CTNNA3: variants seen among roughly 807,000 people sequenced by gnomAD.
The protein encoded by CTNNA3 is catenin alpha 3.
CTNNA3 carries 76 observed loss-of-function variants against 95.7 expected under a neutral mutation model. The ratio of observed to expected loss-of-function variants is 0.79; its 90% confidence interval spans 0.66 to 0.96. The LOEUF is 0.96. Among genes scored for constraint, CTNNA3 ranks in the 40% least tolerant of loss-of-function variants. CTNNA3 has a pLI of 0.00. For missense variants in CTNNA3, 1,191 were observed against 1,089.8 expected (o/e 1.09, Z -1.31); for synonymous variants, 431 against 374.4 (o/e 1.15, Z -1.74).
Position 66,367,909 on chromosome 10 carries a change from T to A in CTNNA3, c.1732+11243A>T, listed in dbSNP as rs1205879798. ...ATTATTATTATTATTATTATTATTA[T>A]TATTATTATTATTATTATTTTCTGG... On this transcript the variant is annotated intron_variant, in intron 12 of 17. Coordinates refer to ENST00000433211, the MANE Select transcript of CTNNA3 (RefSeq NM_013266.4). Among the ~76,000 whole-genome samples, 340 of 118,030 alleles carry A rather than the reference T, an allele frequency of 2.9e-3. 4 individuals carry two copies. The highest frequency in any genetic ancestry group is 0.01 in the African/African-American group (322 of 31,950). 77.4% of individuals were successfully genotyped at this position (118,030 alleles called of 152,430 possible). A position where few individuals can be genotyped will look rare whatever the true frequency, so the allele number is the denominator to read the frequency against.
At chr10:67,653,240 A>T (rs551149051) in intron 1 of CTNNA3, among the ~76,000 whole-genome samples, 1 of 152,286 alleles carries the variant, frequency 6.6e-6, no homozygotes, top group East Asian at 1.9e-4. Flanking sequence ...GAACTCACTC[A>T]CTATCATGAG....
intron 15 of CTNNA3, among the ~76,000 whole-genome samples, chr10:66,069,000 G>A (rs970209923): frequency 1.3e-5 from 2 of 152,110 alleles, no homozygotes; most frequent in African/African-American, 4.8e-5. Context: ...GAATCACTTG[G>A]TTTACCAAAT....
At chr10:66,335,515 G>A (rs1048027596) in intron 12 of CTNNA3, among the ~76,000 whole-genome samples, 1 of 152,018 alleles carries the variant, frequency 6.6e-6, no homozygotes, top group Non-Finnish European at 1.5e-5. Flanking sequence ...TCTTTGCCTG[G>A]GTATCAGCAG....
chr10:66,431,063 A>T (rs1027844537), intron 11 of CTNNA3, among the ~76,000 whole-genome samples: 8 of 151,972 alleles, frequency 5.3e-5, no homozygotes, highest in Non-Finnish European at 1.0e-4. Context: ...GAAAAAAAAA[A>T]ACCCATCAAA....
intron 11 of CTNNA3, among the ~76,000 whole-genome samples, chr10:66,489,817 C>G (rs1839862410): frequency 1.3e-5 from 2 of 152,166 alleles, no homozygotes; most frequent in East Asian, 3.9e-4. Context: ...GATGCTGGGG[C>G]AAGGGATTAT....
intron 1 of CTNNA3, among the ~76,000 whole-genome samples, chr10:67,709,962 C>T (rs1841097755): frequency 6.6e-6 from 1 of 152,046 alleles, no homozygotes; most frequent in East Asian, 1.9e-4. Flanking sequence ...TTAACAGGCC[C>T]CAGCAAATTA....
In CTNNA3 at chr10:65,971,379, G is replaced by GTTT. The variant is rs57963750; in HGVS notation, c.2266-4636_2266-4634dup. Among the ~76,000 whole-genome samples, 619 of 140,074 alleles carry GTTT rather than the reference G, an allele frequency of 4.4e-3. 6 individuals are homozygous for GTTT. Among genetic ancestry groups the GTTT allele is most frequent in the Middle Eastern group, 0.011 (3 of 270 alleles). 91.9% of individuals were successfully genotyped at this position (140,074 alleles called of 152,430 possible). A position where few individuals can be genotyped will look rare whatever the true frequency, so the allele number is the denominator to read the frequency against. On this transcript the variant is annotated intron_variant, in intron 16 of 17. Coordinates refer to ENST00000433211, the MANE Select transcript of CTNNA3 (RefSeq NM_013266.4). ...AAGAATCAATGAAGACCAAAGTTGT[G>GTTT]TTTTTTTTTTTTTTGAAAAAATAAA...
At chr10:66,211,607 A>C (rs2088159922) in intron 13 of CTNNA3, among the ~76,000 whole-genome samples, 1 of 152,180 alleles carries the variant, frequency 6.6e-6, no homozygotes, top group Non-Finnish European at 1.5e-5. Context: ...CAACCCCTTC[A>C]CCTAGATATT....
chr10:67,691,544 G>A (rs1447803916), intron 1 of CTNNA3, among the ~76,000 whole-genome samples: 19 of 148,836 alleles, frequency 1.3e-4, no homozygotes, highest in East Asian at 4.1e-4. Context: ...CTGCCCTGCC[G>A]CCCCGTCCGG....
chr10:66,130,846 C>T (rs2083058288), intron 13 of CTNNA3, among the ~76,000 whole-genome samples: 1 of 146,774 alleles, frequency 6.8e-6, no homozygotes, highest in Non-Finnish European at 1.5e-5. Flanking sequence ...CACAGCAAGA[C>T]TCCGTCTCAA....
At chr10:66,139,957 G>A (rs903340756) in intron 13 of CTNNA3, among the ~76,000 whole-genome samples, 2 of 152,288 alleles carry the variant, frequency 1.3e-5, no homozygotes, top group Middle Eastern at 3.4e-3. Flanking sequence ...TGGCAATGGG[G>A]GCTTTTGTGG....
intron 5 of CTNNA3, among the ~76,000 whole-genome samples, chr10:67,451,123 G>A (rs1182230615): frequency 2.0e-5 from 3 of 152,004 alleles, no homozygotes; most frequent in Non-Finnish European, 2.9e-5. Context: ...TCCTGATAAA[G>A]GATAAGTTTG....
chr10:67,497,311 T>A (rs1445453107), intron 5 of CTNNA3, among the ~76,000 whole-genome samples: 1 of 152,210 alleles, frequency 6.6e-6, no homozygotes, highest in Non-Finnish European at 1.5e-5. Context: ...ATGTGCCACA[T>A]TTTCTTTATC....
At chr10:66,448,327 G>A (rs2093438224) in intron 11 of CTNNA3, among the ~76,000 whole-genome samples, 1 of 152,130 alleles carries the variant, frequency 6.6e-6, no homozygotes, top group African/African-American at 2.4e-5. Context: ...CCATTACTGG[G>A]TATATACCCA....
At chr10:66,274,155 T>A (rs1054469906) in intron 13 of CTNNA3, among the ~76,000 whole-genome samples, 3 of 152,072 alleles carry the variant, frequency 2.0e-5, no homozygotes, top group African/African-American at 7.2e-5. Context: ...GCCATTATAG[T>A]CTCCTCATAA....
chr10:67,437,173 G>C (rs187850319), intron 5 of CTNNA3, among the ~76,000 whole-genome samples: 1 of 152,130 alleles, frequency 6.6e-6, no homozygotes, highest in African/African-American at 2.4e-5. Flanking sequence ...CATTTGCAGC[G>C]ACCTGGATGA....
At chr10:67,226,484 G>A (rs796119895) in intron 5 of CTNNA3, among the ~76,000 whole-genome samples, 34 of 152,224 alleles carry the variant, frequency 2.2e-4, no homozygotes, top group African/African-American at 7.0e-4. Flanking sequence ...GAAGCACCAG[G>A]TAACCTACAA....
chr10:66,346,246 TAG>T (rs371257440), intron 12 of CTNNA3, among the ~76,000 whole-genome samples: 41 of 27,780 alleles, frequency 1.5e-3, no homozygotes, highest in African/African-American at 4.4e-3. Context: ...TATATATATA[TAG>T]AGAGAGAGAG....
At chr10:66,583,742 T>C (rs1000895396) in intron 10 of CTNNA3, among the ~76,000 whole-genome samples, 3 of 151,788 alleles carry the variant, frequency 2.0e-5, no homozygotes, top group African/African-American at 7.2e-5. Flanking sequence ...TTTTTTCTTA[T>C]TTCTCTGGTT....
Sources: gnomAD v4.1 joint callset for allele counts (sites outside exome capture counted in the v4.1 genomes callset) on GRCh38, gnomAD v4.1.1 for gene constraint, MANE v1.5 for transcripts, NCBI Gene and HGNC (gene_info 2026-07-23, HGNC 2026-07-21) for gene names.